The following PDE4D variants were observed in gnomAD, a reference collection of about 807,000 sequenced individuals.
PDE4D encodes the protein 3',5'-cyclic-AMP phosphodiesterase 4D.
In PDE4D, 24 loss-of-function variants were observed where a neutral mutation model predicts 87.4. The observed-to-expected ratio is 0.27, with a 90% CI of 0.20 to 0.39. PDE4D has a LOEUF of 0.39. Among genes scored for constraint, PDE4D ranks in the 10% least tolerant of loss-of-function variants. The probability of loss-of-function intolerance (pLI) is 1.00; values close to 1 mark genes in which losing one functional copy is unlikely to be tolerated. For missense variants in PDE4D, 714 were observed against 1,041.0 expected (o/e 0.69, Z 4.32); for synonymous variants, 384 against 383.2 (o/e 1.00, Z -0.02).
intron 1 of PDE4D, among the ~76,000 whole-genome samples, chr5:59,391,158 A>G (rs748646002): frequency 1.3e-5 from 2 of 152,116 alleles, no homozygotes; most frequent in Non-Finnish European, 2.9e-5. Context: ...TTGATTCTCA[A>G]TCTCTTGAGT....
intron 1 of PDE4D, among the ~76,000 whole-genome samples, chr5:59,300,063 G>T (rs1769896988): frequency 8.3e-6 from 1 of 119,840 alleles, no homozygotes; most frequent in Admixed American, 1.2e-4. Flanking sequence ...AGTGAGCAGA[G>T]ATCACACCAC....
intron 2 of PDE4D, among the ~76,000 whole-genome samples, chr5:59,993,911 T>G (rs1427464835): frequency 6.6e-6 from 1 of 152,042 alleles, no homozygotes; most frequent in Non-Finnish European, 1.5e-5. Context: ...TTAGCCAACT[T>G]ATATGGAATA....
intron 1 of PDE4D, among the ~76,000 whole-genome samples, chr5:59,486,478 T>C (rs1409632051): frequency 6.6e-6 from 1 of 152,230 alleles, no homozygotes; most frequent in African/African-American, 2.4e-5. Flanking sequence ...ATGAATTCTT[T>C]ACAGGTTAAT....
At chr5:60,394,165 T>C (rs1762729919) in intron 1 of PDE4D, among the ~76,000 whole-genome samples, 4 of 152,228 alleles carry the variant, frequency 2.6e-5, no homozygotes, top group Admixed American at 2.0e-4. Context: ...CAAGTAGGTC[T>C]GTCCTATACT....
chr5:59,574,145 AATATATATTTATATATATATATATAT>A (rs1822684922), intron 1 of PDE4D, among the ~76,000 whole-genome samples: 7 of 3,180 alleles, frequency 2.2e-3, no homozygotes, highest in South Asian at 0.033. Context: ...TATATATATA[AATATATATTTATATATATATATATAT>A]AAATATCTTC....
chr5:60,032,276 G>A (rs889880183), intron 2 of PDE4D, among the ~76,000 whole-genome samples: 16 of 152,156 alleles, frequency 1.1e-4, no homozygotes, highest in African/African-American at 3.9e-4. Context: ...TTTAGACTAT[G>A]GTATGCTCAT....
At chr5:60,426,858 A>G (rs1330892349) in intron 1 of PDE4D, among the ~76,000 whole-genome samples, 2 of 152,192 alleles carry the variant, frequency 1.3e-5, no homozygotes, top group Non-Finnish European at 2.9e-5. Context: ...AGGAGTGAAT[A>G]GAGGAGTCTA....
At chr5:59,045,326 G>T (rs1760432161) in intron 5 of PDE4D, among the ~76,000 whole-genome samples, 2 of 152,092 alleles carry the variant, frequency 1.3e-5, no homozygotes, top group African/African-American at 4.8e-5. Context: ...GGCCGAGGTG[G>T]GTGGATCACC....
chr5:60,481,397 T>A (rs923986673), intron 1 of PDE4D, among the ~76,000 whole-genome samples: 1 of 152,056 alleles, frequency 6.6e-6, no homozygotes, highest in Admixed American at 6.6e-5. Flanking sequence ...CTTTTGTTGA[T>A]CCCTAGAAGT....
In PDE4D at chr5:60,293,092, GC is replaced by G. The variant is rs1041503263; in HGVS notation, c.-89-107406del. 2.0e-5 allele frequency among the ~76,000 whole-genome samples: 3 copies of G among 146,374 alleles called. No homozygotes were observed. In the East Asian group the frequency reaches 6.0e-4, roughly 29 times the overall value. On this transcript the variant is annotated intron_variant, in intron 1 of 16. Transcript: ENST00000502484. ...ATGATCTCGGCTCACTGAAACCTCT[GC>G]CCCCCCAAGTTCAAGCAATCCTCCT...
At chr5:60,458,016 TCCAGTTGCTA>T (rs1200270464) in intron 1 of PDE4D, among the ~76,000 whole-genome samples, 1 of 152,218 alleles carries the variant, frequency 6.6e-6, no homozygotes, top group East Asian at 1.9e-4. Flanking sequence ...CTATGAGCCA[TCCAGTTGCTA>T]CTGGACAGTT....
At chr5:59,376,251 T>G (rs1784713405) in intron 1 of PDE4D, among the ~76,000 whole-genome samples, 1 of 152,148 alleles carries the variant, frequency 6.6e-6, no homozygotes, top group Non-Finnish European at 1.5e-5. Context: ...ACTATCCCAG[T>G]TTGCAGATTA....
chr5:59,207,305 A>C (rs985837634), intron 2 of PDE4D, among the ~76,000 whole-genome samples: 7 of 152,200 alleles, frequency 4.6e-5, no homozygotes, highest in Admixed American at 1.3e-4. Context: ...ATAAAGTGAG[A>C]GTACACTAGT....
chr5:59,680,590 G>A (rs998862465), intron 1 of PDE4D, among the ~76,000 whole-genome samples: 3 of 152,130 alleles, frequency 2.0e-5, no homozygotes, highest in African/African-American at 4.8e-5. Context: ...AAGTGGCTGT[G>A]AGAAAAGAAC....
chr5:59,252,546 T>C (rs1760166882), intron 1 of PDE4D, among the ~76,000 whole-genome samples: 1 of 151,802 alleles, frequency 6.6e-6, no homozygotes, highest in Admixed American at 6.6e-5. Context: ...TTCCCCGAGA[T>C]GGGGTCTTGC....
chr5:60,502,142 C>T (rs1261960287), intron 1 of PDE4D, among the ~76,000 whole-genome samples: 6 of 151,880 alleles, frequency 4.0e-5, no homozygotes, highest in African/African-American at 1.2e-4. Context: ...TTAGGTCTAA[C>T]GTTTAAGTCT....
chr5:59,574,552 C>G (rs528656244), intron 1 of PDE4D, among the ~76,000 whole-genome samples: 2 of 152,186 alleles, frequency 1.3e-5, no homozygotes, highest in South Asian at 4.2e-4. Context: ...TGAATTTGAA[C>G]TTGGTTCAAT....
chr5:59,331,807 C>T (rs73092919), intron 1 of PDE4D, among the ~76,000 whole-genome samples: 13,166 of 152,234 alleles, frequency 0.086, 1,644 homozygotes, highest in African/African-American at 0.27. Context: ...ACACAGGCTT[C>T]TATTTCCTAC....
intron 1 of PDE4D, among the ~76,000 whole-genome samples, chr5:59,573,498 C>T (rs1038257541): frequency 1.3e-5 from 2 of 152,072 alleles, no homozygotes; most frequent in Admixed American, 6.6e-5. Flanking sequence ...GGAGTATACC[C>T]GCAGTTCTCA....
Sources: allele counts gnomAD v4.1 joint callset (sites outside exome capture counted in the v4.1 genomes callset), GRCh38; gene constraint gnomAD v4.1.1; transcripts MANE v1.5; gene names NCBI Gene and HGNC (gene_info 2026-07-23, HGNC 2026-07-21).